ADGRL2: variants seen among roughly 807,000 people sequenced by gnomAD.
ADGRL2 encodes calcium-independent alpha-latrotoxin receptor 2.
A neutral mutation model predicts 157.4 loss-of-function variants in ADGRL2; 44 were observed. The observed-to-expected ratio is 0.28, with a 90% CI of 0.22 to 0.36. The LOEUF (loss-of-function observed/expected upper bound fraction) is 0.36. Among genes scored for constraint, ADGRL2 ranks in the 10% least tolerant of loss-of-function variants. The pLI, the probability that ADGRL2 is intolerant of heterozygous loss-of-function variation, is 1.00. For synonymous variants in ADGRL2, 585 were observed against 624.7 expected (o/e 0.94, Z 0.95); for missense variants, 1,510 against 1,768.9 (o/e 0.85, Z 2.63).
At chr1:81,407,683 A>G (rs958674217) in intron 1 of ADGRL2, among the ~76,000 whole-genome samples, 1 of 152,248 alleles carries the variant, frequency 6.6e-6, no homozygotes, top group Non-Finnish European at 1.5e-5. Context: ...CAGCATGTGT[A>G]TTCTGGAAAG....
chr1:81,802,835 C>T (rs1467256364), intron 1 of ADGRL2, among the ~76,000 whole-genome samples: 1 of 152,078 alleles, frequency 6.6e-6, no homozygotes, highest in Admixed American at 6.5e-5. Flanking sequence ...TGTTCCTTCT[C>T]GTCAGTGGTT....
chr1:81,425,154 C>A (rs1445195309), intron 1 of ADGRL2, among the ~76,000 whole-genome samples: 2 of 152,126 alleles, frequency 1.3e-5, no homozygotes, highest in African/African-American at 4.8e-5. Flanking sequence ...AAAGAAATTT[C>A]AAAAGATCTA....
intron 2 of ADGRL2, among the ~76,000 whole-genome samples, chr1:81,771,058 A>T (rs1407051814): frequency 1.3e-5 from 2 of 151,862 alleles, no homozygotes; most frequent in Non-Finnish European, 2.9e-5. Flanking sequence ...TTTCTTACAT[A>T]CTCTAGTAAC....
intron 3 of ADGRL2, among the ~76,000 whole-genome samples, chr1:81,590,094 T>C (rs2081102457): frequency 6.6e-6 from 1 of 152,120 alleles, no homozygotes; most frequent in African/African-American, 2.4e-5. Flanking sequence ...TCTGAGTAAA[T>C]ACTCTTGGTC....
At chr1:81,832,895 A>G (rs2092047405) in intron 1 of ADGRL2, among the ~76,000 whole-genome samples, 1 of 152,214 alleles carries the variant, frequency 6.6e-6, no homozygotes. Flanking sequence ...AGAAGGGGAA[A>G]TCTAGTCTGT....
chr1:81,726,546 G>C (rs1161492198), intron 1 of ADGRL2, among the ~76,000 whole-genome samples: 1 of 152,192 alleles, frequency 6.6e-6, no homozygotes, highest in Non-Finnish European at 1.5e-5. Context: ...AGAGTTGAGA[G>C]TGCGGGTCAA....
At chr1:81,853,473 G>A (rs2093090007) in intron 2 of ADGRL2, among the ~76,000 whole-genome samples, 1 of 152,158 alleles carries the variant, frequency 6.6e-6, no homozygotes, top group African/African-American at 2.4e-5. Flanking sequence ...TGAGAATGCT[G>A]CTTGTCAGTA....
At chr1:81,733,664 A>T (rs1219669288) in intron 1 of ADGRL2, among the ~76,000 whole-genome samples, 1 of 152,170 alleles carries the variant, frequency 6.6e-6, no homozygotes, top group African/African-American at 2.4e-5. Flanking sequence ...GACGGGGCAC[A>T]ATTTAGCCCA....
intron 1 of ADGRL2, among the ~76,000 whole-genome samples, chr1:81,703,848 G>T (rs1422711983): frequency 1.3e-5 from 2 of 152,056 alleles, no homozygotes; most frequent in Admixed American, 6.6e-5. Flanking sequence ...AAAGTAATGG[G>T]TTCTTTTGTT....
At chr1:81,697,760 GA>G (rs1162615794), upstream of ADGRL2, among the ~76,000 whole-genome samples, 3 of 152,160 alleles carry the variant, frequency 2.0e-5, no homozygotes, top group Non-Finnish European at 4.4e-5. Context: ...AATTTGGTAT[GA>G]AAAAGATTTA....
intron 1 of ADGRL2, among the ~76,000 whole-genome samples, chr1:81,366,537 T>C (rs188687640): frequency 6.6e-6 from 1 of 152,280 alleles, no homozygotes; most frequent in Admixed American, 6.5e-5. Context: ...TGCTTTTCAC[T>C]GACCCAGGAT....
At chr1:81,804,694 A>G (rs1281373405) in intron 1 of ADGRL2, among the ~76,000 whole-genome samples, 2 of 152,218 alleles carry the variant, frequency 1.3e-5, no homozygotes, top group Non-Finnish European at 2.9e-5. Flanking sequence ...TTGTTTTATG[A>G]TAGTCACTGT....
intron 1 of ADGRL2, among the ~76,000 whole-genome samples, chr1:81,311,292 C>T (rs1189262237): frequency 6.6e-6 from 1 of 152,168 alleles, no homozygotes; most frequent in Non-Finnish European, 1.5e-5. Flanking sequence ...TTCCTTCTAT[C>T]TTCTCCCGGA....
intron 2 of ADGRL2, among the ~76,000 whole-genome samples, chr1:81,531,755 C>A (rs1044898019): frequency 6.6e-6 from 1 of 152,128 alleles, no homozygotes; most frequent in Non-Finnish European, 1.5e-5. Flanking sequence ...GGGCTAGGAT[C>A]GTGTCTAGAA....
chr1:81,537,042 A>G (rs1002508037), intron 2 of ADGRL2, among the ~76,000 whole-genome samples: 3 of 152,182 alleles, frequency 2.0e-5, no homozygotes, highest in African/African-American at 7.2e-5. Context: ...GACCTCCTTT[A>G]TTTTTGATAA....
chr1:81,993,421 T>C lies in ADGRL2; in HGVS notation c.*2276T>C, dbSNP rs1259533095. Among the ~76,000 whole-genome samples the C allele has an allele frequency of 6.6e-6, 1 of 151,976 alleles. No individual in the cohort carries two copies. The highest frequency in any genetic ancestry group is 1.5e-5 in the Non-Finnish European group (1 of 67,998). On this transcript the variant is annotated 3_prime_UTR_variant, in exon 24 of 24. Coordinates refer to ENST00000686636, the MANE Select transcript of ADGRL2 (RefSeq NM_001366006.2). Reference sequence around the variant, plus strand: ...ACCTAGAGTCAGGCTGGTTCAGTAATAAATTTTTTTAAAGGCAACACTGAT... The same window carrying C: ...ACCTAGAGTCAGGCTGGTTCAGTAACAAATTTTTTTAAAGGCAACACTGAT...
intron 1 of ADGRL2, among the ~76,000 whole-genome samples, chr1:81,366,658 A>T (rs1365041404): frequency 6.6e-6 from 1 of 152,190 alleles, no homozygotes; most frequent in Non-Finnish European, 1.5e-5. Flanking sequence ...TTCACATGTA[A>T]ACTGTGAATT....
chr1:81,651,075 G>A (rs1557537182), intron 3 of ADGRL2, among the ~76,000 whole-genome samples: 1 of 152,060 alleles, frequency 6.6e-6, no homozygotes, highest in Non-Finnish European at 1.5e-5. Context: ...CAAGCTGTGT[G>A]GAGTTTAAGG....
intron 3 of ADGRL2, among the ~76,000 whole-genome samples, chr1:81,689,998 G>C (rs559255145): frequency 3.5e-4 from 54 of 152,242 alleles, no homozygotes; most frequent in African/African-American, 1.3e-3. Context: ...CATCTGAGGT[G>C]CTTCTCACTC....
Sources: allele counts gnomAD v4.1 joint callset (sites outside exome capture counted in the v4.1 genomes callset), GRCh38; gene constraint gnomAD v4.1.1; transcripts MANE v1.5; gene names NCBI Gene and HGNC (gene_info 2026-07-23, HGNC 2026-07-21).